ERGIC1: variants seen among roughly 807,000 people sequenced by gnomAD.
ERGIC1 encodes the protein endoplasmic reticulum-Golgi intermediate compartment protein 1.
In ERGIC1, 19 loss-of-function variants were observed where a neutral mutation model predicts 38.3. The observed-to-expected ratio is 0.50, with a 90% CI of 0.35 to 0.73. The LOEUF is 0.73. Ranked by LOEUF, ERGIC1 falls within the 30% of genes least tolerant of loss-of-function variation. The pLI is 0.01. For missense variants in ERGIC1, 294 were observed against 389.2 expected, an observed-to-expected ratio of 0.76 and a Z score of 2.06; for synonymous variants, 124 against 157.6, an observed-to-expected ratio of 0.79 and a Z score of 1.60.
chr5:172,915,604 T>C, intron 5 of ERGIC1: 1 of 471,214 alleles, frequency 2.1e-6, no homozygotes, highest in Non-Finnish European at 4.4e-6. Flanking sequence ...GGCAGGGTTT[T>C]GCTCAGCACG....
In ERGIC1 at chr5:172,926,816, C is replaced by A; in HGVS notation, c.541+247C>A. 1 of 541,034 alleles carries A rather than the reference C, an allele frequency of 1.8e-6. No homozygotes were observed. Among genetic ancestry groups the A allele is most frequent in the Non-Finnish European group, 3.3e-6 (1 of 299,236 alleles). 33.5% of individuals were successfully genotyped at this position (541,034 alleles called of 1,614,324 possible). On this transcript the variant is annotated intron_variant, in intron 7 of 9. Transcript: ENST00000393784. This position sits in a 1 kb window ranked among gnomAD's most constrained non-coding sequence, Gnocchi z 5.2. ...AGCAGACGCACGCACGCAGTGGATACCAGCTATTACCATTATTGTTGCTCT... is the reference window on the plus strand; with the variant it reads ...AGCAGACGCACGCACGCAGTGGATAACAGCTATTACCATTATTGTTGCTCT...
chr5:172,950,625 T>C (rs1274251519), intron 9 of ERGIC1, 84 bp from the exon 10 acceptor site: 1 of 1,201,270 alleles, frequency 8.3e-7, no homozygotes, highest in Admixed American at 1.9e-5. Context: ...GAGCCCATCA[T>C]CTCATGATGT....
At chr5:172,918,252 T>A (rs537854729) in intron 5 of ERGIC1, 1 of 152,382 alleles carries the variant, frequency 6.6e-6, no homozygotes, top group African/African-American at 2.4e-5. Flanking sequence ...TGTGGATTTT[T>A]AAATATTTTA....
At chr5:172,918,883 G>A (rs1201673566) in intron 5 of ERGIC1, among the ~76,000 whole-genome samples, 1 of 152,126 alleles carries the variant, frequency 6.6e-6, no homozygotes, top group Non-Finnish European at 1.5e-5. Flanking sequence ...GCTGATGTGG[G>A]TCCCTCAGGG....
At chr5:172,897,125 A>T (rs13154777) in intron 3 of ERGIC1, 51 bp downstream of exon 3, 329,422 of 1,571,012 alleles carry the variant, frequency 0.21, 35,739 homozygotes, top group African/African-American at 0.33. Flanking sequence ...GGGACCCCAG[A>T]CAAGAAGAGG....
At position 172,951,581 on chromosome 5, in the gene ERGIC1, A is replaced by G. The variant is rs1764232072; in HGVS notation, c.*765A>G. ...CCTCGTTCCTCTGAACCCTCCACCA[A>G]TGTGCCTCAGCCTGTGTGCTGTGTG... is the stretch of plus-strand genomic sequence containing the variant. On this transcript the variant is annotated 3_prime_UTR_variant, in exon 10 of 10. Coordinates refer to ENST00000393784, the MANE Select transcript of ERGIC1 (RefSeq NM_001031711.3). 1 of 152,094 alleles carries G rather than the reference A, an allele frequency of 6.6e-6. No individual in the cohort carries two copies. The highest frequency in any genetic ancestry group is 2.1e-4 in the South Asian group (1 of 4,808). The allele number at this position is 152,094 out of a possible 1,614,324, so 9.4% of individuals were successfully genotyped here.
Position 172,912,254 on chromosome 5 carries a change from G to T in ERGIC1, c.251-2460G>T, listed in dbSNP as rs6876742. ...ATCTTAGCAGAATGGCTGAAGGGTG[G>T]GGGCTCAGAAGCAAATCCACCTGGA... is the stretch of plus-strand genomic sequence containing the variant. On this transcript the variant is annotated intron_variant, in intron 4 of 9. Coordinates refer to ENST00000393784, the MANE Select transcript of ERGIC1 (RefSeq NM_001031711.3). Among the ~76,000 whole-genome samples, 1,384 of 152,190 alleles carry T rather than the reference G, an allele frequency of 9.1e-3. 19 individuals are homozygous for T. Among genetic ancestry groups the T allele is most frequent in the African/African-American group, 0.031 (1,302 of 41,516 alleles).
intron 5 of ERGIC1, among the ~76,000 whole-genome samples, chr5:172,919,814 C>T (rs1186602811): frequency 1.3e-5 from 2 of 152,304 alleles, no homozygotes; most frequent in East Asian, 1.9e-4. Flanking sequence ...ACATGGAGGG[C>T]GTCCAAGAAA....
intron 1 of ERGIC1, among the ~76,000 whole-genome samples, chr5:172,861,299 A>C (rs1581519788): frequency 6.6e-6 from 1 of 150,810 alleles, no homozygotes; most frequent in African/African-American, 2.4e-5. Context: ...CCCTGACCTC[A>C]CCCAGCCTGC....
intron 4 of ERGIC1, among the ~76,000 whole-genome samples, chr5:172,913,571 C>A (rs1184016881): frequency 1.3e-5 from 2 of 152,218 alleles, no homozygotes; most frequent in Non-Finnish European, 2.9e-5. Flanking sequence ...TCCCAATTTT[C>A]CCTTTTAAGG....
rs796565475 is a variant in ERGIC1, at chr5:172,914,254, A to AAAAAAAAT, written c.251-457_251-456insAAAATAAA. 3.1e-3 allele frequency among the ~76,000 whole-genome samples: 411 copies of AAAAAAAAT among 131,208 alleles called. 15 individuals are homozygous for AAAAAAAAT. Among genetic ancestry groups the AAAAAAAAT allele is most frequent in the South Asian group, 5.0e-3 (21 of 4,202 alleles). 86.1% of individuals were successfully genotyped at this position (131,208 alleles called of 152,430 possible). A position where few individuals can be genotyped will look rare whatever the true frequency, so the allele number is the denominator to read the frequency against. ...TGTCTCAAAAAAAAAAAAAAAAAAA[A>AAAAAAAAT]AAATACAAAGACTATCTGAGATACA... On this transcript the variant is annotated intron_variant, in intron 4 of 9. Transcript: ENST00000393784.
At chr5:172,867,432 C>A in intron 1 of ERGIC1, 1 of 394,662 alleles carries the variant, frequency 2.5e-6, no homozygotes. Flanking sequence ...TTTCCCTGTC[C>A]CTATTTCCAC....
At chr5:172,880,977 G>A (rs1467478683) in intron 1 of ERGIC1, among the ~76,000 whole-genome samples, 4 of 152,172 alleles carry the variant, frequency 2.6e-5, no homozygotes, top group South Asian at 2.1e-4. Flanking sequence ...GGCTGGACGC[G>A]GTGGCTCACG....
intron 9 of ERGIC1, among the ~76,000 whole-genome samples, chr5:172,950,492 A>C (rs1764207545): frequency 6.6e-6 from 1 of 152,152 alleles, no homozygotes; most frequent in South Asian, 2.1e-4. Flanking sequence ...TAATGGTGAA[A>C]ATTATTTTAT....
chr5:172,947,957 C>T (rs1487965218), intron 9 of ERGIC1, among the ~76,000 whole-genome samples: 1 of 151,282 alleles, frequency 6.6e-6, no homozygotes, highest in African/African-American at 2.4e-5. Context: ...TCACATTTTC[C>T]TATCTTCTGA....
chr5:172,871,379 C>T (rs1395613112), intron 1 of ERGIC1, among the ~76,000 whole-genome samples: 1 of 152,238 alleles, frequency 6.6e-6, no homozygotes, highest in Non-Finnish European at 1.5e-5. Context: ...CCCTGGCTAT[C>T]CCTGTGGCTG....
chr5:172,843,881 T>C (rs1051034168), intron 1 of ERGIC1, among the ~76,000 whole-genome samples: 1 of 152,206 alleles, frequency 6.6e-6, no homozygotes, highest in East Asian at 1.9e-4. Context: ...TGCTCATACT[T>C]TCTTTGCGGG....
chr5:172,860,528 TCACTG>T (rs1761670413), intron 1 of ERGIC1, among the ~76,000 whole-genome samples: 1 of 152,202 alleles, frequency 6.6e-6, no homozygotes, highest in African/African-American at 2.4e-5. Context: ...CCACTGCACC[TCACTG>T]CATGCACGGG....
At chr5:172,942,027 C>A (rs951752440) in intron 9 of ERGIC1, among the ~76,000 whole-genome samples, 1 of 152,026 alleles carries the variant, frequency 6.6e-6, no homozygotes, top group African/African-American at 2.4e-5. Context: ...ATGGTGAAAC[C>A]CCGTCTCTAC....
Sources: gnomAD v4.1 joint callset for allele counts (sites outside exome capture counted in the v4.1 genomes callset) on GRCh38, gnomAD v4.1.1 for gene constraint, Gnocchi (gnomAD v3.1) non-coding constraint, MANE v1.5 for transcripts, NCBI Gene and HGNC (gene_info 2026-07-23, HGNC 2026-07-21) for gene names.